The following ADAM32 variants were observed in gnomAD, a reference collection of about 807,000 sequenced individuals.
The protein encoded by ADAM32 is ADAM metallopeptidase domain 32, also known as disintegrin and metalloproteinase domain-containing protein 32.
ADAM32 carries 89 observed loss-of-function variants against 114.9 expected under a neutral mutation model. That is an observed-to-expected ratio of 0.77 (90% CI 0.65 to 0.92). The LOEUF is 0.92. ADAM32 is among the 40% of genes least tolerant of loss of function. ADAM32 has a pLI of 0.00. For synonymous variants in ADAM32, 285 were observed against 307.5 expected (o/e 0.93, Z 0.77); for missense variants, 870 against 932.8 (o/e 0.93, Z 0.88).
intron 4 of ADAM32, 35 bp downstream of exon 4, chr8:39,147,240 T>A (rs545126233): frequency 3.0e-4 from 264 of 871,560 alleles, no homozygotes; most frequent in African/African-American, 5.4e-4. Flanking sequence ...TAGTTTTTTT[T>A]AAATTTTTTT....
At chr8:39,235,946 A>G (rs1179730416) in intron 16 of ADAM32, among the ~76,000 whole-genome samples, 1 of 152,208 alleles carries the variant, frequency 6.6e-6, no homozygotes, top group Non-Finnish European at 1.5e-5. Context: ...ATTTTCACAT[A>G]TGTCATCTCA....
intron 12 of ADAM32, among the ~76,000 whole-genome samples, chr8:39,211,527 A>G (rs1475212130): frequency 6.6e-6 from 1 of 152,212 alleles, no homozygotes; most frequent in Non-Finnish European, 1.5e-5. Context: ...GTACTGCAAA[A>G]AATTATTGGT....
chr8:39,216,213 C>T (rs1011245931), intron 12 of ADAM32, among the ~76,000 whole-genome samples: 2 of 151,986 alleles, frequency 1.3e-5, no homozygotes, highest in African/African-American at 4.8e-5. Flanking sequence ...ATGAGTCTAG[C>T]TACTCCTGCT....
At chr8:39,278,287 G>T (rs1180847554) in intron 22 of ADAM32, among the ~76,000 whole-genome samples, 5 of 152,114 alleles carry the variant, frequency 3.3e-5, no homozygotes, top group Non-Finnish European at 2.9e-5. Flanking sequence ...AATGGGGAGG[G>T]GCAGGGCCAT....
chr8:39,180,367 G>T (rs973980483), intron 10 of ADAM32, among the ~76,000 whole-genome samples: 1 of 152,200 alleles, frequency 6.6e-6, no homozygotes, highest in Non-Finnish European at 1.5e-5. Flanking sequence ...CAGGCCTCCG[G>T]ACTGCAGCCC....
intron 16 of ADAM32, among the ~76,000 whole-genome samples, chr8:39,242,603 A>G (rs2129449891): frequency 6.6e-6 from 1 of 152,306 alleles, no homozygotes; most frequent in Non-Finnish European, 1.5e-5. Context: ...TATCACAGGA[A>G]GAGCACAGGA....
chr8:39,280,533 T>C (rs1422660761), intron 22 of ADAM32, among the ~76,000 whole-genome samples: 1 of 152,162 alleles, frequency 6.6e-6, no homozygotes, highest in Non-Finnish European at 1.5e-5. Context: ...AAATTTACAT[T>C]AACTTCGAAG....
intron 20 of ADAM32, among the ~76,000 whole-genome samples, chr8:39,271,292 T>C (rs1812704596): frequency 6.6e-6 from 1 of 152,144 alleles, no homozygotes. Context: ...TTCCATAAGA[T>C]TATAATGAAG....
intron 1 of ADAM32, among the ~76,000 whole-genome samples, chr8:39,111,552 G>A (rs999438122): frequency 7.2e-5 from 11 of 151,926 alleles, no homozygotes; most frequent in African/African-American, 2.2e-4. Context: ...CCTGGCCATG[G>A]TGAAACCCCA....
chr8:39,251,840 A>T lies in ADAM32; in HGVS notation c.1903-2574A>T, dbSNP rs554316440. Reference sequence around the variant, plus strand: ...TCCTACATTTTCTCCTGGTAATTTTATAGTTTTGGTTCTTAGATTTAAGTC... The same window carrying T: ...TCCTACATTTTCTCCTGGTAATTTTTTAGTTTTGGTTCTTAGATTTAAGTC... On this transcript the variant is annotated intron_variant, in intron 17 of 24. Transcript: ENST00000379907. Among the ~76,000 whole-genome samples the T allele has an allele frequency of 1.7e-3, 254 of 151,888 alleles. 2 individuals carry two copies. Among genetic ancestry groups the T allele is most frequent in the Non-Finnish European group, 2.6e-3 (173 of 67,732 alleles).
At chr8:39,278,224 G>A (rs745524918) in intron 22 of ADAM32, among the ~76,000 whole-genome samples, 7 of 152,048 alleles carry the variant, frequency 4.6e-5, no homozygotes, top group African/African-American at 7.3e-5. Context: ...AGTCCCTGAC[G>A]TCCAGCTGCC....
At chr8:39,219,478 C>A (rs1045628827) in intron 12 of ADAM32, among the ~76,000 whole-genome samples, 1 of 152,174 alleles carries the variant, frequency 6.6e-6, no homozygotes, top group Admixed American at 6.5e-5. Flanking sequence ...GGTTTATATG[C>A]CCCCTCTATG....
chr8:39,239,499 A>T (rs1340775317), intron 16 of ADAM32, among the ~76,000 whole-genome samples: 1 of 152,196 alleles, frequency 6.6e-6, no homozygotes, highest in African/African-American at 2.4e-5. Flanking sequence ...GGTCTCTAAA[A>T]ACAACAACAC....
At chr8:39,158,626 G>T in intron 6 of ADAM32, 1 of 239,546 alleles carries the variant, frequency 4.2e-6, no homozygotes, top group South Asian at 6.3e-5. Flanking sequence ...ACCTTGCCAT[G>T]ATGCCTACTG....
chr8:39,169,856 G>T, intron 9 of ADAM32, 60 bp from the exon 10 acceptor site: 1 of 1,274,994 alleles, frequency 7.8e-7, no homozygotes, highest in South Asian at 1.4e-5. Context: ...TTATTAGCAG[G>T]AATTCTCATT....
chr8:39,183,428 T>A (rs1024869584), intron 10 of ADAM32, among the ~76,000 whole-genome samples: 4 of 152,200 alleles, frequency 2.6e-5, no homozygotes, highest in African/African-American at 9.6e-5. Context: ...AGAGTAACTC[T>A]GCATGCAGTG....
chr8:39,282,215 A>G (rs1033275466), intron 23 of ADAM32, among the ~76,000 whole-genome samples: 4 of 152,180 alleles, frequency 2.6e-5, no homozygotes, highest in African/African-American at 4.8e-5. Context: ...AGGCTCTGAA[A>G]TCACTTGAGG....
In ADAM32 at chr8:39,275,930, A is replaced by G. The variant is rs1320157975; in HGVS notation, c.2279+64A>G. 2.8e-6 allele frequency: 4 copies of G among 1,417,244 alleles called. No individual in the cohort carries two copies. The African/African-American group carries it at 4.4e-5, about 15-fold the overall frequency. The allele number at this position is 1,417,244 out of a possible 1,614,324, so 87.8% of individuals were successfully genotyped here. On this transcript the variant is annotated intron_variant, in intron 22 of 24. Transcript: ENST00000379907. ...ATATGTTAAAAATTGAGATGAACAA[A>G]TTGATAATTAACAATTACTTGCTAA... is the stretch of plus-strand genomic sequence containing the variant.
chr8:39,174,373 G>C (rs954572645), intron 10 of ADAM32, among the ~76,000 whole-genome samples: 4 of 152,112 alleles, frequency 2.6e-5, no homozygotes. Flanking sequence ...TAGCCTTGTA[G>C]TATAGTTTGA....
Sources: allele counts gnomAD v4.1 joint callset (sites outside exome capture counted in the v4.1 genomes callset), GRCh38; gene constraint gnomAD v4.1.1; transcripts MANE v1.5; gene names NCBI Gene and HGNC (gene_info 2026-07-23, HGNC 2026-07-21).